ITPRID1: variants seen among roughly 807,000 people sequenced by gnomAD.
ITPRID1 encodes ITPR interacting domain containing 1.
A neutral mutation model predicts 95.4 loss-of-function variants in ITPRID1; 96 were observed. The observed-to-expected ratio is 1.01, with a 90% CI of 0.85 to 1.19. ITPRID1 has a LOEUF of 1.19. ITPRID1 is among the 50% of genes most tolerant of loss of function. The probability of loss-of-function intolerance (pLI) is 0.00; values close to 1 mark genes in which losing one functional copy is unlikely to be tolerated. For synonymous variants in ITPRID1, 510 were observed against 453.6 expected, an observed-to-expected ratio of 1.12 and a Z score of -1.58; for missense variants, 1,339 against 1,252.9, an observed-to-expected ratio of 1.07 and a Z score of -1.04.
chr7:31,643,585 G>T lies in ITPRID1; in HGVS notation c.2215G>T (p.Val739Leu), dbSNP rs1403657525. ...GPRGTSLECT[V>L]CDPVTATETR... ...CAGAGGAACATCTTTAGAATGCACT[G>T]TGTGTGATCCTGTTACCGCAACAGA... is the stretch of plus-strand genomic sequence containing the variant. The change falls in exon 12 of 15, where the codon GTG becomes TTG. Residue 739 changes from valine (V) to leucine (L), a missense_variant. Val to Leu is a conservative substitution (Grantham distance 32). Coordinates refer to ENST00000615280, the MANE Select transcript of ITPRID1 (RefSeq NM_001257967.3). 6.8e-6 allele frequency: 11 copies of T among 1,614,040 alleles called. No homozygotes were observed. Among genetic ancestry groups the T allele is most frequent in the Non-Finnish European group, 9.3e-6 (11 of 1,179,892 alleles).
intron 10 of ITPRID1, among the ~76,000 whole-genome samples, chr7:31,623,564 C>A (rs563070596): frequency 6.6e-6 from 1 of 151,544 alleles, no homozygotes; most frequent in African/African-American, 2.4e-5. Context: ...ACCCTTCATA[C>A]TAAAAACTCT....
chr7:31,517,828 G>C (rs539674322), intron 1 of ITPRID1: 3 of 152,494 alleles, frequency 2.0e-5, no homozygotes, highest in African/African-American at 4.8e-5. Context: ...AGGAGGTGCC[G>C]AGAGACAGCG....
intron 1 of ITPRID1, among the ~76,000 whole-genome samples, chr7:31,522,875 C>A (rs1162978623): frequency 6.6e-6 from 1 of 152,116 alleles, no homozygotes; most frequent in African/African-American, 2.4e-5. Flanking sequence ...GCATATGAGC[C>A]ACATTTATTA....
At chr7:31,540,101 T>C (rs915670858) in intron 1 of ITPRID1, among the ~76,000 whole-genome samples, 3 of 152,090 alleles carry the variant, frequency 2.0e-5, no homozygotes, top group African/African-American at 7.2e-5. Context: ...GGACGAGCAG[T>C]GGTGTGTTCT....
chr7:31,651,870 A>G (rs1790989189), intron 13 of ITPRID1, 69 bp from the exon 14 acceptor site: 1 of 1,050,116 alleles, frequency 9.5e-7, no homozygotes, highest in African/African-American at 1.6e-5. Flanking sequence ...CTATATTATG[A>G]GGTGACAATG....
chr7:31,651,051 G>T (rs1423279277), intron 12 of ITPRID1, 91 bp from the exon 13 acceptor site: 1 of 1,441,730 alleles, frequency 6.9e-7, no homozygotes. Context: ...CGAAAAAAGG[G>T]ATCCCAAATG....
At chr7:31,578,455 C>T (rs758877028) in intron 9 of ITPRID1, 21 bp downstream of exon 9, 2 of 1,535,080 alleles carry the variant, frequency 1.3e-6, no homozygotes, top group Admixed American at 4.1e-5. Flanking sequence ...CACCAACGTA[C>T]CAGCCTCCTA....
chr7:31,542,771 A>G (rs1287633043), intron 1 of ITPRID1, among the ~76,000 whole-genome samples: 1 of 152,162 alleles, frequency 6.6e-6, no homozygotes, highest in Non-Finnish European at 1.5e-5. Context: ...AGTATTTGAC[A>G]GAGATAAGTA....
chr7:31,651,334 C>G, intron 13 of ITPRID1, 65 bp downstream of exon 13: 1 of 1,560,934 alleles, frequency 6.4e-7, no homozygotes, highest in Non-Finnish European at 8.7e-7. Context: ...GGAAGATAAT[C>G]AGGGCAGAAC....
intron 7 of ITPRID1, among the ~76,000 whole-genome samples, chr7:31,572,542 T>TA (rs1785027870): frequency 2.0e-5 from 3 of 152,284 alleles, no homozygotes; most frequent in Admixed American, 2.0e-4. Context: ...ATATAGAGTA[T>TA]GTTACTATAC....
rs1434970363 is a variant in ITPRID1, at chr7:31,653,769, AC to A, written c.*941del. On this transcript the variant is annotated 3_prime_UTR_variant, in exon 15 of 15. Transcript: ENST00000615280. ...TTTCACAGAATATAAACATGTACGT[AC>A]ATTTATTATTAAAAACTCTGAAGGA... 6.6e-6 allele frequency: 1 copy of A among 152,202 alleles called. No individual in the cohort carries two copies. Among genetic ancestry groups the A allele is most frequent in the Non-Finnish European group, 1.5e-5 (1 of 68,042 alleles). The allele number at this position is 152,202 out of a possible 1,614,324, so 9.4% of individuals were successfully genotyped here.
In ITPRID1 at chr7:31,643,470, A is replaced by C; in HGVS notation, c.2100A>C (p.Leu700=). ...AAGCTGAGATGGAAAACCTTCCTCT[A>C]AATACTGGCAGCTCCAGGTCTGTAA... The part of the protein sequence containing the change: ...GTEAEMENLP[L]NTGSSRSVMT... Residue 700 remains leucine, a synonymous_variant, in exon 12 of 15, where the codon CTA becomes CTC. Transcript: ENST00000615280. 1 of 1,614,016 alleles carries C rather than the reference A, an allele frequency of 6.2e-7. No individual in the cohort carries two copies. Among genetic ancestry groups the C allele is most frequent in the Non-Finnish European group, 8.5e-7 (1 of 1,179,898 alleles).
intron 10 of ITPRID1, among the ~76,000 whole-genome samples, chr7:31,598,434 C>G (rs550339392): frequency 9.1e-4 from 111 of 121,776 alleles, no homozygotes; most frequent in African/African-American, 3.4e-3. Flanking sequence ...GACGGAGTCT[C>G]GCTCTGTCAC....
At chr7:31,614,485 C>T (rs959054519) in intron 10 of ITPRID1, among the ~76,000 whole-genome samples, 22 of 152,050 alleles carry the variant, frequency 1.4e-4, no homozygotes, top group Admixed American at 1.4e-3. Context: ...ACAGAAAAAG[C>T]CTCTACAAAA....
chr7:31,555,013 T>C, intron 5 of ITPRID1, 112 bp downstream of exon 5: 1 of 815,646 alleles, frequency 1.2e-6, no homozygotes, highest in Non-Finnish European at 2.0e-6. Flanking sequence ...CTAGAAATGA[T>C]CAGCCCTCAA....
intron 1 of ITPRID1, among the ~76,000 whole-genome samples, chr7:31,546,713 G>T (rs990694672): frequency 6.6e-6 from 1 of 151,998 alleles, no homozygotes; most frequent in Non-Finnish European, 1.5e-5. Context: ...TGATATAAAC[G>T]CTAAGATCTC....
At position 31,625,819 on chromosome 7, in the gene ITPRID1, CT is replaced by C. The variant is rs34385465; in HGVS notation, c.1229-16348del. On this transcript the variant is annotated intron_variant, in intron 10 of 14. Transcript: ENST00000615280. ...TTAGAATAAGCTTTCCTTAGAATGT[CT>C]TTTTTTTTAAATTTTTTCTTTATAA... is the stretch of plus-strand genomic sequence containing the variant. Among the ~76,000 whole-genome samples the C allele has an allele frequency of 1.4e-4, 21 of 149,900 alleles. 1 individual carries two copies. The highest frequency in any genetic ancestry group is 2.5e-4 in the African/African-American group (10 of 40,700).
chr7:31,630,622 A>C (rs1008479403), intron 10 of ITPRID1, among the ~76,000 whole-genome samples: 15 of 152,322 alleles, frequency 9.8e-5, no homozygotes, highest in African/African-American at 3.6e-4. Context: ...CGAGTATGTC[A>C]CATATTTACC....
At chr7:31,626,646 A>G (rs1307159895) in intron 10 of ITPRID1, among the ~76,000 whole-genome samples, 1 of 152,202 alleles carries the variant, frequency 6.6e-6, no homozygotes, top group Non-Finnish European at 1.5e-5. Context: ...CGGTGACACC[A>G]TGCTGTAAAG....
Sources: allele counts gnomAD v4.1 joint callset (sites outside exome capture counted in the v4.1 genomes callset), GRCh38; gene constraint gnomAD v4.1.1; transcripts MANE v1.5; gene names NCBI Gene and HGNC (gene_info 2026-07-23, HGNC 2026-07-21).